PCDH15: variants seen among roughly 807,000 people sequenced by gnomAD.
PCDH15 encodes protocadherin-15.
In PCDH15, 129 loss-of-function variants were observed where a neutral mutation model predicts 178.5. The ratio of observed to expected loss-of-function variants is 0.72; its 90% CI spans 0.63 to 0.84. The LOEUF is 0.84. Ranked by LOEUF, PCDH15 falls within the 40% of genes least tolerant of loss-of-function variation. PCDH15 has a pLI of 0.00. For missense variants in PCDH15, 2,230 were observed against 2,099.9 expected (o/e 1.06, Z -1.21); for synonymous variants, 800 against 732.0 (o/e 1.09, Z -1.50).
chr10:55,465,076 A>G (rs1456072184), intron 2 of PCDH15, among the ~76,000 whole-genome samples: 1 of 152,068 alleles, frequency 6.6e-6, no homozygotes, highest in Non-Finnish European at 1.5e-5. Context: ...TTGGAAACAC[A>G]GATGTAAAGC....
chr10:54,727,891 T>C (rs923092694), intron 1 of PCDH15, among the ~76,000 whole-genome samples: 2 of 151,342 alleles, frequency 1.3e-5, no homozygotes, highest in African/African-American at 2.4e-5. Flanking sequence ...CAGAAAGAAA[T>C]TGCAACCCTG....
chr10:55,160,742 C>A (rs1450883926), intron 2 of PCDH15, among the ~76,000 whole-genome samples: 1 of 152,040 alleles, frequency 6.6e-6, no homozygotes, highest in Non-Finnish European at 1.5e-5. Flanking sequence ...GCTACCATCG[C>A]CACCTCCTTT....
At chr10:54,147,875 C>A (rs73243523) in intron 14 of PCDH15, among the ~76,000 whole-genome samples, 2 of 151,866 alleles carry the variant, frequency 1.3e-5, no homozygotes, top group East Asian at 3.9e-4. Flanking sequence ...AATCTAACAA[C>A]TCTGAGTTCA....
At chr10:54,674,871 C>A (rs1033107063) in intron 1 of PCDH15, among the ~76,000 whole-genome samples, 1 of 152,026 alleles carries the variant, frequency 6.6e-6, no homozygotes, top group African/African-American at 2.4e-5. Context: ...TCTGTCTTAT[C>A]TGTAAATGAT....
intron 1 of PCDH15, among the ~76,000 whole-genome samples, chr10:54,683,347 A>T (rs181956298): frequency 6.6e-6 from 1 of 152,138 alleles, no homozygotes; most frequent in Admixed American, 6.6e-5. Context: ...CTCCCCATTA[A>T]GCCCTGCTCC....
At chr10:54,888,592 G>T (rs1260693880) in intron 3 of PCDH15, among the ~76,000 whole-genome samples, 1 of 151,708 alleles carries the variant, frequency 6.6e-6, no homozygotes, top group East Asian at 1.9e-4. Context: ...GTGGGCATAA[G>T]TTTAATGATT....
chr10:54,909,119 AG>A (rs1954775891), intron 2 of PCDH15, among the ~76,000 whole-genome samples: 4 of 152,038 alleles, frequency 2.6e-5, no homozygotes, highest in African/African-American at 9.7e-5. Context: ...TTCCAAAAGG[AG>A]AAAATGTGTG....
At chr10:54,775,817 C>T (rs139150605) in intron 1 of PCDH15, among the ~76,000 whole-genome samples, 14,307 of 152,060 alleles carry the variant, frequency 0.094, 863 homozygotes, top group East Asian at 0.14. Flanking sequence ...ACCCGGGAGG[C>T]GGAGCTTGCA....
At chr10:54,822,494 C>T (rs1419042450) in intron 3 of PCDH15, among the ~76,000 whole-genome samples, 3 of 152,070 alleles carry the variant, frequency 2.0e-5, no homozygotes, top group African/African-American at 7.2e-5. Context: ...AATCATATTC[C>T]ACTGTGTGTA....
At position 54,185,163 on chromosome 10, in the gene PCDH15, T is replaced by C. The variant is rs1294048440; in HGVS notation, c.1411A>G (p.Arg471Gly). The C allele has an allele frequency of 1.2e-6, 2 of 1,613,686 alleles. No individual in the cohort carries two copies. Among genetic ancestry groups the C allele is most frequent in the Admixed American group, 1.7e-5 (1 of 59,998 alleles). Residue 471 changes from arginine to glycine, a missense_variant, in exon 12 of 38, where the codon AGG (arginine) becomes GGG (glycine). By Grantham distance (125) the Arg-to-Gly change is moderately radical. Transcript: ENST00000644397. ...RYLTLLQPVD[R>G]EEQQTYTFSI... is the part of the protein sequence containing the mutation. ...AAGGTGTAAGTTTGCTGTTCTTCCC[T>C]GTCCACTGGTTGAAGTAAGGTGAGG...
At chr10:53,980,220 C>A (rs201821651) in intron 21 of PCDH15, among the ~76,000 whole-genome samples, 351 of 137,156 alleles carry the variant, frequency 2.6e-3, no homozygotes, top group Middle Eastern at 3.6e-3. Context: ...GACTCCATCT[C>A]AAAAAAAAAA....
At chr10:54,709,426 C>G (rs1268392141) in intron 1 of PCDH15, among the ~76,000 whole-genome samples, 1 of 151,256 alleles carries the variant, frequency 6.6e-6, no homozygotes, top group East Asian at 1.9e-4. Flanking sequence ...CTATTTAAGC[C>G]TCAGTTTTAT....
chr10:54,368,501 A>G lies in PCDH15; in HGVS notation c.474+619T>C, dbSNP rs1244550420. Among the ~76,000 whole-genome samples, 6 of 150,956 alleles carry G rather than the reference A, an allele frequency of 4.0e-5. No homozygotes were observed. In the South Asian group the frequency reaches 6.2e-4, roughly 16 times the overall value. On this transcript the variant is annotated intron_variant, in intron 5 of 37. Transcript: ENST00000644397. ...TACAGTAACCACGGTTTAAAAAAAA[A>G]TAAAAGTGGTTCTTCACTTATGCAC...
At chr10:53,965,512 G>C (rs899293973) in intron 21 of PCDH15, among the ~76,000 whole-genome samples, 1 of 152,138 alleles carries the variant, frequency 6.6e-6, no homozygotes, top group Non-Finnish European at 1.5e-5. Context: ...ACATTTTTCA[G>C]TACTATCTTA....
chr10:55,070,152 G>C (rs1231552762), intron 2 of PCDH15, among the ~76,000 whole-genome samples: 1 of 151,314 alleles, frequency 6.6e-6, no homozygotes, highest in African/African-American at 2.4e-5. Context: ...AAATTTGTTT[G>C]AGTTCATTGT....
chr10:54,299,171 G>A (rs1272988333), intron 8 of PCDH15, among the ~76,000 whole-genome samples: 2 of 152,110 alleles, frequency 1.3e-5, no homozygotes, highest in African/African-American at 2.4e-5. Context: ...GAAAGTCAGA[G>A]AAAGAGGAAG....
At chr10:55,253,177 C>G (rs1841887625) in intron 1 of PCDH15, among the ~76,000 whole-genome samples, 2 of 147,682 alleles carry the variant, frequency 1.4e-5, no homozygotes, top group African/African-American at 5.3e-5. Context: ...AAGACAGAAA[C>G]AGAGAGAATG....
At chr10:54,992,087 A>T (rs1839514985) in intron 2 of PCDH15, among the ~76,000 whole-genome samples, 1 of 152,140 alleles carries the variant, frequency 6.6e-6, no homozygotes, top group Non-Finnish European at 1.5e-5. Context: ...TATATTTAAA[A>T]GAAAAAATAA....
chr10:55,512,408 T>G (rs1840906003), intron 2 of PCDH15, among the ~76,000 whole-genome samples: 1 of 152,084 alleles, frequency 6.6e-6, no homozygotes. Flanking sequence ...CACAGTGTTT[T>G]TAGCTACTAA....
Sources: allele counts gnomAD v4.1 joint callset (sites outside exome capture counted in the v4.1 genomes callset), GRCh38; gene constraint gnomAD v4.1.1; transcripts MANE v1.5; gene names NCBI Gene and HGNC (gene_info 2026-07-23, HGNC 2026-07-21).